The following ARHGEF4 variants were observed in gnomAD, a reference collection of about 807,000 sequenced individuals.
ARHGEF4 encodes the protein APC-stimulated guanine nucleotide exchange factor 1.
Under a neutral mutation model 162.0 loss-of-function variants are expected in ARHGEF4, and 119 were observed. That is an observed-to-expected ratio of 0.73 (90% CI 0.63 to 0.86). ARHGEF4 has a LOEUF of 0.86. Ranked by LOEUF, ARHGEF4 falls within the 40% of genes least tolerant of loss-of-function variation. ARHGEF4 has a pLI of 0.00. For missense variants in ARHGEF4, 2,488 were observed against 2,456.0 expected (o/e 1.01, Z -0.28); for synonymous variants, 1,014 against 979.9 (o/e 1.03, Z -0.65).
chr2:130,837,074 T>C, intron 1 of ARHGEF4, 82 bp downstream of exon 1: 3 of 1,200,878 alleles, frequency 2.5e-6, no homozygotes, highest in Non-Finnish European at 3.1e-6. Context: ...CGCTGGCTGC[T>C]GCGCCCCGGG....
chr2:131,035,663 ACC>A, intron 5 of ARHGEF4: 1 of 988,168 alleles, frequency 1.0e-6, no homozygotes, highest in Non-Finnish European at 1.2e-6. Context: ...ACCCCCGGGC[ACC>A]GCTGCGCATG....
At chr2:131,021,670 T>C (rs900952961) in intron 4 of ARHGEF4, among the ~76,000 whole-genome samples, 3 of 152,232 alleles carry the variant, frequency 2.0e-5, no homozygotes, top group Non-Finnish European at 4.4e-5. Flanking sequence ...TTTCTTTTTC[T>C]TGACTGGTCT....
intron 1 of ARHGEF4, chr2:130,837,358 G>C: frequency 5.9e-6 from 2 of 336,912 alleles, no homozygotes; most frequent in South Asian, 5.9e-5. Flanking sequence ...GGCGCGCAGG[G>C]CACTCGGAGC....
At position 130,908,306 on chromosome 2, in the gene ARHGEF4, C is replaced by A. The variant is rs990807608; in HGVS notation, c.40-5680C>A. On this transcript the variant is annotated intron_variant, in intron 1 of 13. Coordinates refer to ENST00000409359, the MANE Select transcript of ARHGEF4 (RefSeq NM_001367493.1). ...TGGTTTTTCTACATTGATTTTGCAT[C>A]CTGAAACTTTGCTGAAGTTGTTTAT... Among the ~76,000 whole-genome samples, 5 of 152,176 alleles carry A rather than the reference C, an allele frequency of 3.3e-5. 1 individual carries two copies. Among genetic ancestry groups the A allele is most frequent in the Admixed American group, 2.6e-4 (4 of 15,272 alleles).
chr2:131,018,379 T>G (rs552842900), intron 4 of ARHGEF4, among the ~76,000 whole-genome samples: 193 of 142,494 alleles, frequency 1.4e-3, no homozygotes, highest in Non-Finnish European at 2.4e-3. Context: ...TCGTATGTCT[T>G]CTTTGAAGAA....
chr2:130,994,135 G>C (rs1687229946), intron 4 of ARHGEF4, among the ~76,000 whole-genome samples: 1 of 152,162 alleles, frequency 6.6e-6, no homozygotes, highest in Non-Finnish European at 1.5e-5. Flanking sequence ...AACAGCAAGT[G>C]AGTGAATTTT....
rs779553227 is a variant in ARHGEF4, at chr2:131,045,448, T to C, written c.5479+2T>C. The stretch of plus-strand genomic sequence containing the variant: ...AGCAGGTCACAGGGAAGCCCAAAGG[T>C]AGGCGGACAGCAGCCCCACCTCCTC... On this transcript the variant is annotated splice_donor_variant, in intron 13 of 13. Transcript: ENST00000409359. LOFTEE classifies it high-confidence loss of function. The C allele has an allele frequency of 6.2e-7, 1 of 1,613,464 alleles. No homozygotes were observed. Among genetic ancestry groups the C allele is most frequent in the Non-Finnish European group, 8.5e-7 (1 of 1,179,982 alleles).
intron 1 of ARHGEF4, among the ~76,000 whole-genome samples, chr2:130,872,839 G>A (rs74602103): frequency 0.085 from 13,007 of 152,260 alleles, 687 homozygotes; most frequent in South Asian, 0.2. Context: ...TTTGGGGGCT[G>A]AGGTCAGGTC....
Position 130,916,244 on chromosome 2 carries a change from C to G in ARHGEF4, c.2298C>G (p.Arg766=). Residue 766 remains arginine, a synonymous_variant, in exon 2 of 14, where the codon CGC becomes CGG. Coordinates refer to ENST00000409359, the MANE Select transcript of ARHGEF4 (RefSeq NM_001367493.1). Reference sequence around the variant, plus strand: ...GTGCTGCAGCAGCCCGGGGCCAGCGCCCCCGCGTCCCCGCCTTGGAGCCGC... The same window carrying G: ...GTGCTGCAGCAGCCCGGGGCCAGCGGCCCCGCGTCCCCGCCTTGGAGCCGC... The part of the protein sequence containing the change: ...EGGAAAARGQ[R]PRVPALEPPQ... 6.6e-7 allele frequency: 1 copy of G among 1,526,476 alleles called. No homozygotes were observed. The highest frequency in any genetic ancestry group is 8.8e-7 in the Non-Finnish European group (1 of 1,138,748). 94.6% of individuals were successfully genotyped at this position (1,526,476 alleles called of 1,614,324 possible).
In ARHGEF4 at chr2:130,988,901, T is replaced by TATAGAGAGAGAGAG. The variant is rs1469212068; in HGVS notation, c.3986-39043_3986-39042insTAGAGAGAGAGAGA. Reference sequence around the variant, plus strand: ...ATATATATATATATATATATATATATAGAGAGAGAGAGAGAGAGAGAGAGA... The same window carrying TATAGAGAGAGAGAG: ...ATATATATATATATATATATATATATATAGAGAGAGAGAGAGAGAGAGAGAGAGAGAGAGAGAGA... On this transcript the variant is annotated intron_variant, in intron 4 of 13. Coordinates refer to ENST00000409359, the MANE Select transcript of ARHGEF4 (RefSeq NM_001367493.1). 1.3e-4 allele frequency among the ~76,000 whole-genome samples: 15 copies of TATAGAGAGAGAGAG among 113,382 alleles called. No individual in the cohort carries two copies. In the East Asian group the frequency reaches 2.6e-3, roughly 19 times the overall value. The allele number at this position is 113,382 out of a possible 152,430, so 74.4% of individuals were successfully genotyped here. A position where few individuals can be genotyped will look rare whatever the true frequency, so the allele number is the denominator to read the frequency against.
chr2:130,915,634 A>G lies in ARHGEF4; in HGVS notation c.1688A>G (p.Asp563Gly). 1.9e-6 allele frequency: 3 copies of G among 1,550,434 alleles called. No individual in the cohort carries two copies. The highest frequency in any genetic ancestry group is 2.6e-6 in the Non-Finnish European group (3 of 1,146,978). The part of the protein sequence containing the change: ...PETTQKSSAI[D>G]TSKAAEEAMV... ...ACCACCCAGAAATCAAGCGCAATAG[A>G]CACTTCAAAGGCAGCCGAAGAAGCC... The change falls in exon 2 of 14, where the codon GAC becomes GGC. Residue 563 changes from aspartate to glycine, a missense_variant. Around this residue, in one of 6 missense-constraint regions of ARHGEF4, gnomAD observed 1,642 missense variants for 1,481.5 expected, o/e 1.11. Coordinates refer to ENST00000409359, the MANE Select transcript of ARHGEF4 (RefSeq NM_001367493.1).
chr2:130,875,195 C>A lies in ARHGEF4; in HGVS notation c.39+38203C>A, dbSNP rs959282125. ...TGGCTGTCCCTTAGGGCTTTTCCATCAGCCTTATTCTCTTGTTCCTCCACA... is the reference window on the plus strand; with the variant it reads ...TGGCTGTCCCTTAGGGCTTTTCCATAAGCCTTATTCTCTTGTTCCTCCACA... On this transcript the variant is annotated intron_variant, in intron 1 of 13. Transcript: ENST00000409359. Among the ~76,000 whole-genome samples the A allele has an allele frequency of 3.3e-5, 5 of 152,242 alleles. 1 individual carries two copies. The highest frequency in any genetic ancestry group is 2.0e-4 in the Admixed American group (3 of 15,280).
intron 4 of ARHGEF4, among the ~76,000 whole-genome samples, chr2:130,988,872 GTATATATATA>G (rs58656982): frequency 0.037 from 3,965 of 108,188 alleles, 100 homozygotes; most frequent in African/African-American, 0.071. Context: ...GTGTGTGTGT[GTATATATATA>G]TATATATATA....
chr2:130,940,047 T>TA (rs1313454125), intron 3 of ARHGEF4, among the ~76,000 whole-genome samples: 4 of 152,056 alleles, frequency 2.6e-5, no homozygotes, highest in African/African-American at 9.7e-5. Context: ...GGGCAGGGGG[T>TA]ATTTCTTCCT....
chr2:130,931,017 C>G lies in ARHGEF4; in HGVS notation c.3618C>G (p.Phe1206Leu), dbSNP rs1682598857. ...GTTGCTCTCACAGTCAGAAGGCGTT[C>G]CACATGGAGCCTGCCCAGAAGCCCT... ...KPSCSHSQKA[F>L]HMEPAQKPCF... Residue 1206 changes from phenylalanine (F) to leucine (L), a missense_variant, in exon 3 of 14, where the codon TTC becomes TTG. Physicochemically the swap from Phe to Leu is conservative, Grantham distance 22 (BLOSUM62 0). Around this residue, in one of 6 missense-constraint regions of ARHGEF4, gnomAD observed 1,642 missense variants for 1,481.5 expected, o/e 1.11. Coordinates refer to ENST00000409359, the MANE Select transcript of ARHGEF4 (RefSeq NM_001367493.1). 6.2e-7 allele frequency: 1 copy of G among 1,613,804 alleles called. No homozygotes were observed. The highest frequency in any genetic ancestry group is 2.2e-5 in the East Asian group (1 of 44,876).
At chr2:131,036,605 C>T (rs1488075719) in intron 5 of ARHGEF4, among the ~76,000 whole-genome samples, 1 of 152,224 alleles carries the variant, frequency 6.6e-6, no homozygotes, top group Non-Finnish European at 1.5e-5. Flanking sequence ...CCCAGTCCCA[C>T]CTGCAGGGAC....
chr2:131,039,076 A>C, intron 6 of ARHGEF4, 44 bp downstream of exon 6: 2 of 1,555,250 alleles, frequency 1.3e-6, no homozygotes, highest in South Asian at 1.2e-5. Context: ...GGCCCATAAA[A>C]AGCTACCTGG....
Position 130,955,348 on chromosome 2 carries a change from T to C in ARHGEF4, c.3985+8713T>C, listed in dbSNP as rs1410059111. On this transcript the variant is annotated intron_variant, in intron 4 of 13. Transcript: ENST00000409359. ...AAACTTTCCTGTTCCTTTGCATATG[T>C]CATAATTTTTGGTTGGAAACTGGGC... 3.9e-5 allele frequency among the ~76,000 whole-genome samples: 6 copies of C among 152,204 alleles called. No individual in the cohort carries two copies. In the East Asian group the frequency reaches 1.2e-3, roughly 29 times the overall value.
At chr2:130,881,241 G>A (rs1381568221) in intron 1 of ARHGEF4, among the ~76,000 whole-genome samples, 2 of 151,934 alleles carry the variant, frequency 1.3e-5, no homozygotes, top group Admixed American at 1.3e-4. Flanking sequence ...TGGTCAGGCT[G>A]TCTCAAACAC....
Sources: gnomAD v4.1 joint callset for allele counts (sites outside exome capture counted in the v4.1 genomes callset) on GRCh38, gnomAD v4.1.1 for gene constraint, gnomAD v4.1.1 regional missense constraint, MANE v1.5 for transcripts, NCBI Gene and HGNC (gene_info 2026-07-23, HGNC 2026-07-21) for gene names.